The following SYNE2 variants were observed in gnomAD, a reference collection of about 807,000 sequenced individuals.
SYNE2 encodes the protein spectrin repeat containing nuclear envelope protein 2.
Under a neutral mutation model 856.3 loss-of-function variants are expected in SYNE2, and 431 were observed. The observed-to-expected ratio is 0.50, with a 90% CI of 0.47 to 0.55. SYNE2 has a LOEUF of 0.55. SYNE2 is among the 20% of genes least tolerant of loss of function. The pLI is 0.00. For synonymous variants in SYNE2, 2,923 were observed against 2,872.3 expected (o/e 1.02, Z -0.56); for missense variants, 8,129 against 8,023.2 (o/e 1.01, Z -0.50).
At chr14:63,908,000 CAG>C (rs1216618534) in intron 1 of SYNE2, among the ~76,000 whole-genome samples, 2 of 152,216 alleles carry the variant, frequency 1.3e-5, no homozygotes, top group African/African-American at 2.4e-5. Flanking sequence ...GGATGATAAA[CAG>C]AGGGGGCAGG....
Position 64,053,165 on chromosome 14 carries a change from C to T in SYNE2, c.9252C>T (p.Ala3084=), listed in dbSNP as rs200061977. 210 of 1,613,856 alleles carry T rather than the reference C, an allele frequency of 1.3e-4. No homozygotes were observed. The East Asian group carries it at 4.6e-3, about 35-fold the overall frequency. The change falls in exon 48 of 116, where the codon GCC becomes GCT. Residue 3084 remains alanine, a synonymous_variant. Coordinates refer to ENST00000555002, the MANE Select transcript of SYNE2 (RefSeq NM_182914.3). ...CTCCGGAAAGCAGACGGCTCAATGCCCAAATTTTAAGTCAGAGAATTGAGA... is the reference window on the plus strand; with the variant it reads ...CTCCGGAAAGCAGACGGCTCAATGCTCAAATTTTAAGTCAGAGAATTGAGA... ...DSSPESRRLN[A]QILSQRIEKA... is the part of the protein sequence containing the mutation.
Position 63,976,638 on chromosome 14 carries a change from G to A in SYNE2, c.1204G>A (p.Val402Ile), listed in dbSNP as rs759651313. 2.5e-6 allele frequency: 4 copies of A among 1,612,128 alleles called. No individual in the cohort carries two copies. The highest frequency in any genetic ancestry group is 3.4e-6 in the Non-Finnish European group (4 of 1,179,786). ...TCAAACTGAAGCTTGGCTCCAGGAG[G>A]TAGAAGAGCTTATGGATGAAGATTT... ...LHQTEAWLQE[V>I]EELMDEDLSA... Residue 402 changes from valine (V) to isoleucine (I), a missense_variant, in exon 12 of 116, where the codon GTA becomes ATA. Physicochemically the swap from Val to Ile is conservative, Grantham distance 29 (BLOSUM62 3). Around this residue, in one of 3 missense-constraint regions of SYNE2, gnomAD observed 2,422 missense variants for 2,357.4 expected, o/e 1.03. Transcript: ENST00000555002.
At chr14:64,208,662 G>GC (rs1431875060) in intron 100 of SYNE2, 96 bp from the exon 101 acceptor site, 5 of 1,304,038 alleles carry the variant, frequency 3.8e-6, no homozygotes, top group Non-Finnish European at 5.5e-6. Context: ...TATCCCCTGA[G>GC]CTGGGAGAAG....
intron 103 of SYNE2, 26 bp from the exon 104 acceptor site, chr14:64,211,935 A>G: frequency 6.2e-7 from 1 of 1,613,990 alleles, no homozygotes. Flanking sequence ...GTCAGTAGAA[A>G]TGTGATTTCC....
chr14:63,923,355 C>T (rs977850498), intron 2 of SYNE2, among the ~76,000 whole-genome samples: 3 of 152,196 alleles, frequency 2.0e-5, no homozygotes, highest in East Asian at 1.9e-4. Flanking sequence ...TGTGGCAACA[C>T]GAGGTTGCTG....
At chr14:63,971,869 T>A (rs1321811705) in intron 11 of SYNE2, among the ~76,000 whole-genome samples, 1 of 152,236 alleles carries the variant, frequency 6.6e-6, no homozygotes, top group East Asian at 1.9e-4. Flanking sequence ...CATCTCATTT[T>A]TAAATGGATA....
intron 45 of SYNE2, among the ~76,000 whole-genome samples, chr14:64,047,430 T>C (rs2097194280): frequency 6.6e-6 from 1 of 152,178 alleles, no homozygotes; most frequent in South Asian, 2.1e-4. Flanking sequence ...CAGAGGAAAG[T>C]GTGCCAAACA....
Position 64,002,921 on chromosome 14 carries a change from G to T in SYNE2, c.3988G>T (p.Ala1330Ser), listed in dbSNP as rs1446476682. ...DTLKALEDFL[A>S]SLRTAKLSAE... ...TCTCAAAGCTCTGGAAGACTTTTTG[G>T]CGTCTCTCAGAACAGCTAAACTCTC... The change falls in exon 30 of 116, where the codon GCG becomes TCG. Residue 1330 changes from alanine to serine, a missense_variant. Transcript: ENST00000555002. 1 of 1,614,130 alleles carries T rather than the reference G, an allele frequency of 6.2e-7. No individual in the cohort carries two copies. The highest frequency in any genetic ancestry group is 8.5e-7 in the Non-Finnish European group (1 of 1,180,016).
intron 45 of SYNE2, among the ~76,000 whole-genome samples, chr14:64,035,718 G>T (rs1411744169): frequency 6.6e-6 from 1 of 151,918 alleles, no homozygotes; most frequent in African/African-American, 2.4e-5. Flanking sequence ...TAGAGACAGG[G>T]TCTGGCTCTG....
intron 6 of SYNE2, among the ~76,000 whole-genome samples, chr14:63,945,430 C>T (rs941072047): frequency 6.6e-6 from 1 of 152,070 alleles, no homozygotes; most frequent in Non-Finnish European, 1.5e-5. Context: ...TGTACTCTTT[C>T]GTGTTTGACT....
intron 57 of SYNE2, among the ~76,000 whole-genome samples, chr14:64,083,965 C>G (rs1310970048): frequency 6.7e-6 from 1 of 150,012 alleles, no homozygotes; most frequent in Admixed American, 6.6e-5. Context: ...ACTCTTTTTG[C>G]CCAGCCTGGA....
intron 57 of SYNE2, chr14:64,084,867 A>G (rs1385376383): frequency 1.5e-6 from 1 of 687,260 alleles, no homozygotes; most frequent in East Asian, 2.7e-5. Flanking sequence ...CTGCAGGCTC[A>G]TCTGAAGGCT....
At chr14:63,805,423 G>T (rs958122711) in intron 1 of SYNE2, among the ~76,000 whole-genome samples, 4 of 152,094 alleles carry the variant, frequency 2.6e-5, no homozygotes, top group Admixed American at 6.5e-5. Flanking sequence ...TCTTCACCCT[G>T]TCGCTCAGGC....
At chr14:64,170,157 C>T (rs2098403902) in intron 93 of SYNE2, 71 bp from the exon 94 acceptor site, 1 of 1,423,480 alleles carries the variant, frequency 7.0e-7, no homozygotes, top group African/African-American at 1.4e-5. Flanking sequence ...ATCTGAGCTG[C>T]TATTACCCAC....
Position 64,026,710 on chromosome 14 carries a change from T to C in SYNE2, c.6384T>C (p.His2128=). ...DISNQWDNTL[H]LASTYLSHQE... is the part of the protein sequence containing the mutation. ...GCAACCAGTGGGACAACACACTCCA[T>C]TTAGCTAGCACCTACCTAAGGTAAA... The change falls in exon 42 of 116, where the codon CAT becomes CAC. Residue 2128 remains histidine (H), a synonymous_variant. Transcript: ENST00000555002. 1 of 1,610,570 alleles carries C rather than the reference T, an allele frequency of 6.2e-7. No individual in the cohort carries two copies. Among genetic ancestry groups the C allele is most frequent in the South Asian group, 1.1e-5 (1 of 90,284 alleles).
At chr14:64,183,216 G>T (rs940110616) in intron 96 of SYNE2, among the ~76,000 whole-genome samples, 1 of 146,556 alleles carries the variant, frequency 6.8e-6, no homozygotes, top group East Asian at 2.1e-4. Flanking sequence ...GCTGCCGGGC[G>T]GAGGGGCTCC....
At chr14:64,078,951 A>C (rs904018011) in intron 55 of SYNE2, among the ~76,000 whole-genome samples, 2 of 152,152 alleles carry the variant, frequency 1.3e-5, no homozygotes, top group African/African-American at 4.8e-5. Flanking sequence ...ACAAGACTGC[A>C]ATTCTAGCTA....
upstream of SYNE2, among the ~76,000 whole-genome samples, chr14:63,851,376 GAACA>G (rs1265174654): frequency 3.3e-5 from 5 of 151,988 alleles, no homozygotes; most frequent in East Asian, 9.7e-4. Context: ...ACAAACGAAC[GAACA>G]AACAAAAAAA....
At position 64,015,021 on chromosome 14, in the gene SYNE2, G is replaced by GTATATAAATATATATGTATATATGTATA. The variant is rs1317485494; in HGVS notation, c.4729-1434_4729-1407dup. On this transcript the variant is annotated intron_variant, in intron 32 of 115. Coordinates refer to ENST00000555002, the MANE Select transcript of SYNE2 (RefSeq NM_182914.3). ...TATAAATATATATATGTGTATATAT[G>GTATATAAATATATATGTATATATGTATA]TATATAAATATATATGTATATATGT... 5.4e-4 allele frequency among the ~76,000 whole-genome samples: 56 copies of GTATATAAATATATATGTATATATGTATA among 104,652 alleles called. 1 individual carries two copies. Among genetic ancestry groups the GTATATAAATATATATGTATATATGTATA allele is most frequent in the African/African-American group, 1.4e-3 (37 of 26,298 alleles). 68.7% of individuals were successfully genotyped at this position (104,652 alleles called of 152,430 possible). A position where few individuals can be genotyped will look rare whatever the true frequency, so the allele number is the denominator to read the frequency against.
Sources: allele counts gnomAD v4.1 joint callset (sites outside exome capture counted in the v4.1 genomes callset), GRCh38; gene constraint gnomAD v4.1.1; regional missense constraint gnomAD v4.1.1; transcripts MANE v1.5; gene names NCBI Gene and HGNC (gene_info 2026-07-23, HGNC 2026-07-21).